The following COBL variants were observed in gnomAD, a reference collection of about 807,000 sequenced individuals.
The protein encoded by COBL is protein cordon-bleu.
Under a neutral mutation model 98.8 loss-of-function variants are expected in COBL, and 51 were observed. The observed-to-expected ratio is 0.52, with a 90% CI of 0.41 to 0.65. The LOEUF (loss-of-function observed/expected upper bound fraction) is 0.65, where lower values mean the gene tolerates loss of function less well. COBL is among the 30% of genes least tolerant of loss of function. The pLI is 0.00. For missense variants in COBL, 1,617 were observed against 1,617.5 expected (o/e 1.00, Z 0.01); for synonymous variants, 634 against 651.7 (o/e 0.97, Z 0.41).
intron 5 of COBL, among the ~76,000 whole-genome samples, chr7:51,181,027 T>G (rs1788896141): frequency 1.3e-5 from 2 of 152,212 alleles, no homozygotes; most frequent in Admixed American, 6.5e-5. Context: ...CTGACGTGAC[T>G]GAGGTTTCAT....
intron 5 of COBL, among the ~76,000 whole-genome samples, chr7:51,143,839 T>A (rs1291339441): frequency 1.3e-5 from 2 of 152,194 alleles, no homozygotes; most frequent in African/African-American, 4.8e-5. Flanking sequence ...GCAGGAAAAG[T>A]AGCTGTGTGG....
intron 1 of COBL, among the ~76,000 whole-genome samples, chr7:51,282,128 A>C (rs747284589): frequency 1.3e-5 from 2 of 152,116 alleles, no homozygotes; most frequent in Non-Finnish European, 2.9e-5. Flanking sequence ...AAGAAACAAG[A>C]ATGCAAGTCA....
chr7:51,104,303 T>A (rs529628859), intron 6 of COBL, among the ~76,000 whole-genome samples: 7 of 152,330 alleles, frequency 4.6e-5, no homozygotes, highest in African/African-American at 1.7e-4. Context: ...TTCCTCTAAA[T>A]ATACTTGTAT....
Position 51,128,198 on chromosome 7 carries a change from T to C in COBL, c.957+7960A>G, listed in dbSNP as rs570798776. ...CAGATTTACTTCTTTGCTCTTCTTT[T>C]GCAGGCATCTCTGACATGCAGCTCA... On this transcript the variant is annotated intron_variant, in intron 6 of 12. Coordinates refer to ENST00000265136, the MANE Select transcript of COBL (RefSeq NM_015198.5). Among the ~76,000 whole-genome samples the C allele has an allele frequency of 6.6e-5, 10 of 152,336 alleles. No homozygotes were observed. In the South Asian group the frequency reaches 1.9e-3, roughly 28 times the overall value.
At chr7:51,145,384 TTTC>T in intron 5 of COBL, among the ~76,000 whole-genome samples, 1 of 124,044 alleles carries the variant, frequency 8.1e-6, no homozygotes, top group Admixed American at 8.0e-5. Flanking sequence ...TTCTTTTTTT[TTTC>T]TTTTTTTTCC....
intron 1 of COBL, among the ~76,000 whole-genome samples, chr7:51,285,827 T>C (rs574019760): frequency 6.6e-6 from 1 of 152,332 alleles, no homozygotes; most frequent in African/African-American, 2.4e-5. Context: ...TCACATTACA[T>C]AGCCTTAAGA....
At chr7:51,145,596 G>C (rs10268807) in intron 5 of COBL, among the ~76,000 whole-genome samples, 24,006 of 150,732 alleles carry the variant, frequency 0.16, 2,674 homozygotes, top group African/African-American at 0.31. Flanking sequence ...CTAGGCTGGT[G>C]TCAAACTCCT....
At chr7:51,031,841 A>C (rs1053359441) in intron 8 of COBL, 2 of 152,212 alleles carry the variant, frequency 1.3e-5, no homozygotes, top group Non-Finnish European at 2.9e-5. Flanking sequence ...CTGGGACATA[A>C]GGACAATAAG....
At chr7:51,187,917 G>A in intron 4 of COBL, 1 of 1,232,456 alleles carries the variant, frequency 8.1e-7, no homozygotes, top group African/African-American at 1.5e-5. Flanking sequence ...ACTGTACCTT[G>A]ACAGCTCAGG....
At chr7:51,174,172 G>C (rs1474895075) in intron 5 of COBL, among the ~76,000 whole-genome samples, 1 of 152,080 alleles carries the variant, frequency 6.6e-6, no homozygotes, top group Non-Finnish European at 1.5e-5. Flanking sequence ...AAGGACTTTG[G>C]AAAGACAGGC....
chr7:51,112,509 C>T (rs1796927280), intron 6 of COBL, among the ~76,000 whole-genome samples: 1 of 152,144 alleles, frequency 6.6e-6, no homozygotes, highest in Admixed American at 6.5e-5. Flanking sequence ...TTGGGGTGTC[C>T]CTGCAGATGC....
chr7:51,074,176 T>C (rs1247558462), intron 7 of COBL, among the ~76,000 whole-genome samples: 1 of 146,994 alleles, frequency 6.8e-6, no homozygotes, highest in Non-Finnish European at 1.5e-5. Context: ...TCTTAACTAG[T>C]AAAACAAGGT....
intron 1 of COBL, among the ~76,000 whole-genome samples, chr7:51,294,602 C>G (rs984818863): frequency 6.7e-5 from 9 of 134,228 alleles, no homozygotes; most frequent in African/African-American, 2.2e-4. Flanking sequence ...GAGATCGCAC[C>G]ATTGCACTCC....
intron 1 of COBL, among the ~76,000 whole-genome samples, chr7:51,232,311 A>C (rs542781431): frequency 6.7e-6 from 1 of 148,248 alleles, no homozygotes; most frequent in Middle Eastern, 3.5e-3. Flanking sequence ...TCACCATACA[A>C]TATCAGTCTC....
chr7:51,295,228 G>A (rs1253035302), intron 1 of COBL, among the ~76,000 whole-genome samples: 6 of 151,208 alleles, frequency 4.0e-5, no homozygotes, highest in South Asian at 2.1e-4. Context: ...AGAGGTTGTC[G>A]TGAGCTGATA....
intron 2 of COBL, among the ~76,000 whole-genome samples, chr7:51,201,056 T>C (rs1285229438): frequency 1.3e-5 from 2 of 151,886 alleles, no homozygotes; most frequent in Non-Finnish European, 2.9e-5. Flanking sequence ...CTGGCCAACA[T>C]GGTGAAACCC....
intron 1 of COBL, among the ~76,000 whole-genome samples, chr7:51,289,965 T>C (rs1284166796): frequency 6.6e-6 from 1 of 152,144 alleles, no homozygotes; most frequent in Non-Finnish European, 1.5e-5. Flanking sequence ...TTTTTGTTCA[T>C]CCTCCTGCAT....
intron 4 of COBL, among the ~76,000 whole-genome samples, chr7:51,189,281 A>C (rs888623248): frequency 6.6e-6 from 1 of 152,144 alleles, no homozygotes; most frequent in African/African-American, 2.4e-5. Flanking sequence ...CTTGGCGGGG[A>C]GAGGAAGGCT....
At chr7:51,064,966 T>C (rs1791750824) in intron 7 of COBL, 1 of 598,676 alleles carries the variant, frequency 1.7e-6, no homozygotes, top group African/African-American at 1.9e-5. Flanking sequence ...TTCCTCTCTA[T>C]TAGCTGGGAG....
Sources: allele counts gnomAD v4.1 joint callset (sites outside exome capture counted in the v4.1 genomes callset), GRCh38; gene constraint gnomAD v4.1.1; transcripts MANE v1.5; gene names NCBI Gene and HGNC (gene_info 2026-07-23, HGNC 2026-07-21).